CTBP2: variants seen among roughly 807,000 people sequenced by gnomAD.
The protein encoded by CTBP2 is C-terminal binding protein 2.
A neutral mutation model predicts 80.3 loss-of-function variants in CTBP2; 30 were observed. The ratio of observed to expected loss-of-function variants is 0.37; its 90% CI spans 0.28 to 0.51. The LOEUF is 0.51. Among genes scored for constraint, CTBP2 ranks in the 20% least tolerant of loss-of-function variants. CTBP2 has a pLI of 0.93. For synonymous variants in CTBP2, 594 were observed against 587.4 expected, an observed-to-expected ratio of 1.01 and a Z score of -0.16; for missense variants, 1,212 against 1,375.3, an observed-to-expected ratio of 0.88 and a Z score of 1.88.
At chr10:125,108,576 C>A (rs1186175628) in intron 2 of CTBP2, among the ~76,000 whole-genome samples, 1 of 152,230 alleles carries the variant, frequency 6.6e-6, no homozygotes, top group Non-Finnish European at 1.5e-5. Flanking sequence ...GAGCTGGATA[C>A]AACTCCCTGG....
Position 124,992,869 on chromosome 10 carries a change from A to G in CTBP2, c.2660-57T>C, listed in dbSNP as rs1952891046. On this transcript the variant is annotated intron_variant, in intron 7 of 8. Coordinates refer to ENST00000309035, the MANE Select transcript of CTBP2 (RefSeq NM_022802.3). ...ATTTTTACAAATCACAGTAAGTTCA[A>G]CATTACACCTGTAGCTGCTTATGTG... 5 of 1,300,384 alleles carry G rather than the reference A, an allele frequency of 3.8e-6. No homozygotes were observed. The East Asian group carries it at 7.1e-5, about 19-fold the overall frequency. The allele number at this position is 1,300,384 out of a possible 1,614,324, so 80.6% of individuals were successfully genotyped here. A position where few individuals can be genotyped will look rare whatever the true frequency, so the allele number is the denominator to read the frequency against.
intron 1 of CTBP2, among the ~76,000 whole-genome samples, chr10:125,011,832 T>C (rs1294396254): frequency 6.6e-6 from 1 of 152,232 alleles, no homozygotes; most frequent in African/African-American, 2.4e-5. Flanking sequence ...TGTTAGGTGC[T>C]TGAAAGTGTT....
chr10:125,013,057 G>C (rs971723791), intron 1 of CTBP2, among the ~76,000 whole-genome samples: 1 of 152,164 alleles, frequency 6.6e-6, no homozygotes, highest in African/African-American at 2.4e-5. Flanking sequence ...CTATGACTAT[G>C]GCGATGGGCC....
chr10:125,134,337 C>CA (rs1380924758), intron 1 of CTBP2, among the ~76,000 whole-genome samples: 1 of 152,192 alleles, frequency 6.6e-6, no homozygotes, highest in Non-Finnish European at 1.5e-5. Context: ...GGAAGCCCCC[C>CA]CGCCCCGTGC....
chr10:125,038,161 G>A (rs1201934713), intron 3 of CTBP2, among the ~76,000 whole-genome samples: 1 of 152,190 alleles, frequency 6.6e-6, no homozygotes, highest in African/African-American at 2.4e-5. Context: ...CTACTTATAG[G>A]ACAGACAATT....
chr10:125,125,385 C>T lies in CTBP2; in HGVS notation c.-205-14292G>A, dbSNP rs555305437. Among the ~76,000 whole-genome samples, 9 of 152,298 alleles carry T rather than the reference C, an allele frequency of 5.9e-5. No homozygotes were observed. In the South Asian group the frequency reaches 8.3e-4, roughly 14 times the overall value. ...CAGATATAAGCCTTATATTTCAGCC[C>T]TCTTCTCAACTTTAGGAAAGCAAAC... On this transcript the variant is annotated intron_variant, in intron 1 of 10. Coordinates refer to the CTBP2 transcript ENST00000337195.
chr10:125,127,969 T>C (rs904609646), intron 1 of CTBP2, among the ~76,000 whole-genome samples: 1 of 152,174 alleles, frequency 6.6e-6, no homozygotes, highest in Non-Finnish European at 1.5e-5. Context: ...TATAAATACA[T>C]AAAATGGAAT....
At chr10:125,144,728 G>A (rs1238156317) in intron 1 of CTBP2, among the ~76,000 whole-genome samples, 1 of 152,170 alleles carries the variant, frequency 6.6e-6, no homozygotes, top group African/African-American at 2.4e-5. Context: ...TTGCTCACAC[G>A]GGCCAATGTT....
At chr10:125,056,355 G>A (rs1038900501) in intron 2 of CTBP2, among the ~76,000 whole-genome samples, 6 of 152,318 alleles carry the variant, frequency 3.9e-5, no homozygotes, top group Middle Eastern at 3.4e-3. Context: ...CAGTGAAGGC[G>A]TGCACGCCAT....
At chr10:125,146,187 G>C (rs981851199) in intron 1 of CTBP2, among the ~76,000 whole-genome samples, 4 of 152,224 alleles carry the variant, frequency 2.6e-5, no homozygotes, top group African/African-American at 9.6e-5. Context: ...TGGCCAGGCT[G>C]GTCTTGAACT....
At chr10:124,995,614 C>T (rs1953375148) in intron 4 of CTBP2, among the ~76,000 whole-genome samples, 1 of 152,204 alleles carries the variant, frequency 6.6e-6, no homozygotes, top group South Asian at 2.1e-4. Flanking sequence ...GCAGCAGCTC[C>T]ATCTAACCGA....
At chr10:125,139,561 T>C (rs1300211749) in intron 1 of CTBP2, among the ~76,000 whole-genome samples, 3 of 152,080 alleles carry the variant, frequency 2.0e-5, no homozygotes, top group Non-Finnish European at 4.4e-5. Context: ...CATTAGCCCC[T>C]GTTTTTTGGA....
At chr10:125,053,159 G>A (rs945630112) in intron 2 of CTBP2, among the ~76,000 whole-genome samples, 6 of 152,146 alleles carry the variant, frequency 3.9e-5, no homozygotes, top group African/African-American at 1.4e-4. Flanking sequence ...CGGGGCCACC[G>A]AAGCCAAGGC....
chr10:125,072,263 T>C (rs1425110305), intron 2 of CTBP2, among the ~76,000 whole-genome samples: 1 of 150,378 alleles, frequency 6.6e-6, no homozygotes, highest in Non-Finnish European at 1.5e-5. Flanking sequence ...CTGGAGAGAC[T>C]CCGTCTCAAA....
At chr10:125,086,337 G>C (rs1847961001) in intron 2 of CTBP2, among the ~76,000 whole-genome samples, 1 of 152,154 alleles carries the variant, frequency 6.6e-6, no homozygotes, top group African/African-American at 2.4e-5. Flanking sequence ...TTCGAGACCA[G>C]CCTGGCCAAC....
At chr10:125,054,929 C>G (rs578024466) in intron 2 of CTBP2, among the ~76,000 whole-genome samples, 4 of 152,316 alleles carry the variant, frequency 2.6e-5, no homozygotes, top group African/African-American at 9.6e-5. Flanking sequence ...AACGGAAAGT[C>G]TGCTGTTATG....
Position 124,997,990 on chromosome 10 carries a change from C to T in CTBP2, c.2159G>A (p.Gly720Glu). The T allele has an allele frequency of 6.2e-7, 1 of 1,612,822 alleles. No individual in the cohort carries two copies. The highest frequency in any genetic ancestry group is 1.7e-5 in the Admixed American group (1 of 60,000). Reference sequence around the variant, plus strand: ...AAAGCCAATGAGGCCCAGCGTCTCCCCACGGATGCGGGCCGCTCCCGAGGC... The same window carrying T: ...AAAGCCAATGAGGCCCAGCGTCTCCTCACGGATGCGGGCCGCTCCCGAGGC... The change falls in exon 4 of 9, where the codon GGG becomes GAG. Residue 720 changes from glycine (G) to glutamate (E), a missense_variant. Transcript: ENST00000309035.
At chr10:125,005,496 G>A in intron 1 of CTBP2, 3 of 1,533,304 alleles carry the variant, frequency 2.0e-6, no homozygotes, top group Non-Finnish European at 2.7e-6. Flanking sequence ...AACAGGGCAG[G>A]GGAGGGGGAA....
intron 1 of CTBP2, 45 bp from the exon 4 acceptor site, chr10:125,003,537 C>A: frequency 1.4e-6 from 2 of 1,470,356 alleles, no homozygotes; most frequent in Non-Finnish European, 1.8e-6. Context: ...GTGGCTGGGG[C>A]CACAGGGTGC....
Sources: allele counts gnomAD v4.1 joint callset (sites outside exome capture counted in the v4.1 genomes callset), GRCh38; gene constraint gnomAD v4.1.1; transcripts MANE v1.5; gene names NCBI Gene and HGNC (gene_info 2026-07-23, HGNC 2026-07-21).